Variants in SPAG16 observed in about 807,000 individuals in gnomAD.
SPAG16 encodes the protein sperm associated antigen 16.
Under a neutral mutation model 80.4 loss-of-function variants are expected in SPAG16, and 86 were observed. That is an observed-to-expected ratio of 1.07 (90% CI 0.90 to 1.28). The LOEUF is 1.28. Among genes scored for constraint, SPAG16 ranks in the 50% most tolerant of loss-of-function variants. The pLI is 0.00. For missense variants in SPAG16, 870 were observed against 765.3 expected (o/e 1.14, Z -1.61); for synonymous variants, 294 against 265.9 (o/e 1.11, Z -1.03).
In SPAG16 at chr2:214,410,215, T is replaced by G. The variant is rs199849888; in HGVS notation, c.1796T>G (p.Leu599Trp). 7 of 1,613,642 alleles carry G rather than the reference T, an allele frequency of 4.3e-6. No individual in the cohort carries two copies. In the East Asian group the frequency reaches 1.6e-4, roughly 36 times the overall value. Residue 599 changes from leucine (L) to tryptophan (W), a missense_variant, in exon 16 of 16, where the codon TTG becomes TGG. Transcript: ENST00000331683. ...LDLKSGEIHK[L>W]MGHENEAHTV... Reference sequence around the variant, plus strand: ...CTTAAATCTGGGGAGATTCACAAATTGATGGGCCACGAAAACGAGGCACAC... The same window carrying G: ...CTTAAATCTGGGGAGATTCACAAATGGATGGGCCACGAAAACGAGGCACAC...
At chr2:213,377,903 ATTTTTTT>A (rs200597218) in intron 9 of SPAG16, among the ~76,000 whole-genome samples, 818 of 20,684 alleles carry the variant, frequency 0.04, 3 homozygotes, top group South Asian at 0.12. Flanking sequence ...ATATATATAT[ATTTTTTT>A]TTTTTTTTCT....
At chr2:213,920,551 GC>G (rs1463681945) in intron 11 of SPAG16, among the ~76,000 whole-genome samples, 1 of 152,168 alleles carries the variant, frequency 6.6e-6, no homozygotes, top group Non-Finnish European at 1.5e-5. Context: ...CATGGGGGCT[GC>G]CCCATTGGAC....
At chr2:213,626,060 T>C (rs866724149) in intron 10 of SPAG16, among the ~76,000 whole-genome samples, 4 of 152,140 alleles carry the variant, frequency 2.6e-5, no homozygotes, top group Non-Finnish European at 4.4e-5. Flanking sequence ...TCCTTTTATA[T>C]GGAGTGAGAA....
chr2:214,102,422 A>T (rs2053114422), intron 13 of SPAG16, among the ~76,000 whole-genome samples: 1 of 152,114 alleles, frequency 6.6e-6, no homozygotes, highest in Non-Finnish European at 1.5e-5. Context: ...GATGTGACAC[A>T]GTGGAAGCTC....
intron 10 of SPAG16, among the ~76,000 whole-genome samples, chr2:213,829,449 C>A (rs2073497190): frequency 6.6e-6 from 1 of 152,126 alleles, no homozygotes; most frequent in South Asian, 2.1e-4. Context: ...AGAGTCAAGG[C>A]CTGAAATTAA....
At chr2:214,352,970 G>A (rs1403793102) in intron 15 of SPAG16, among the ~76,000 whole-genome samples, 25 of 152,002 alleles carry the variant, frequency 1.6e-4, no homozygotes, top group Admixed American at 1.6e-3. Context: ...GACATAAATG[G>A]GTGTGTCAGG....
At chr2:213,903,543 G>T (rs2077308330) in intron 11 of SPAG16, among the ~76,000 whole-genome samples, 1 of 152,118 alleles carries the variant, frequency 6.6e-6, no homozygotes, top group Non-Finnish European at 1.5e-5. Flanking sequence ...ACAGCATGGG[G>T]ACCCTGGCCC....
intron 10 of SPAG16, among the ~76,000 whole-genome samples, chr2:213,640,289 A>G (rs1465608061): frequency 1.3e-5 from 2 of 152,136 alleles, no homozygotes; most frequent in Non-Finnish European, 2.9e-5. Context: ...CTAGTGAACT[A>G]GTGTGATCTT....
intron 15 of SPAG16, among the ~76,000 whole-genome samples, chr2:214,342,674 T>C (rs758873507): frequency 6.6e-6 from 1 of 152,140 alleles, no homozygotes; most frequent in Admixed American, 6.5e-5. Context: ...ATAAATGTAA[T>C]GTGCTTGAAT....
At chr2:213,734,967 AT>A (rs11291472) in intron 10 of SPAG16, among the ~76,000 whole-genome samples, 140,167 of 151,554 alleles carry the variant, frequency 0.92, 65,843 homozygotes, top group East Asian at 1. Context: ...CTTTCTAGAT[AT>A]TTTTTTTTCC....
chr2:214,097,783 T>G (rs970463874), intron 13 of SPAG16, among the ~76,000 whole-genome samples: 1 of 152,066 alleles, frequency 6.6e-6, no homozygotes, highest in Non-Finnish European at 1.5e-5. Context: ...AAATGTCATC[T>G]CTGCTATCAT....
chr2:214,162,813 T>C (rs2056494945), intron 15 of SPAG16, among the ~76,000 whole-genome samples: 1 of 152,132 alleles, frequency 6.6e-6, no homozygotes, highest in African/African-American at 2.4e-5. Context: ...CTTGAGACTT[T>C]TGGAGTTATC....
chr2:213,813,431 CAAAAG>C (rs958670343), intron 10 of SPAG16, among the ~76,000 whole-genome samples: 2 of 152,198 alleles, frequency 1.3e-5, no homozygotes, highest in Admixed American at 1.3e-4. Context: ...ACCATGTGCT[CAAAAG>C]AAAAGATGGA....
intron 12 of SPAG16, among the ~76,000 whole-genome samples, chr2:213,975,363 C>G (rs1235498153): frequency 1.3e-5 from 2 of 151,130 alleles, no homozygotes; most frequent in African/African-American, 2.4e-5. Context: ...TTCACTAACA[C>G]AAAACTAGAA....
At chr2:214,195,653 T>G (rs2057814672) in intron 15 of SPAG16, among the ~76,000 whole-genome samples, 1 of 151,946 alleles carries the variant, frequency 6.6e-6, no homozygotes, top group South Asian at 2.1e-4. Context: ...ATCCAGTGAC[T>G]AAATAGTGTC....
intron 15 of SPAG16, among the ~76,000 whole-genome samples, chr2:214,213,456 C>CA (rs1400950953): frequency 6.6e-6 from 1 of 152,170 alleles, no homozygotes; most frequent in Non-Finnish European, 1.5e-5. Context: ...AGGCCAGGGT[C>CA]AGAGACCAGC....
intron 9 of SPAG16, among the ~76,000 whole-genome samples, chr2:213,443,031 A>G (rs537165814): frequency 1.2e-4 from 19 of 152,334 alleles, no homozygotes; most frequent in African/African-American, 3.8e-4. Context: ...ACAAAAATAT[A>G]CAAATGACTT....
intron 10 of SPAG16, among the ~76,000 whole-genome samples, chr2:213,643,019 T>G (rs2062659098): frequency 6.8e-6 from 1 of 147,490 alleles, no homozygotes; most frequent in Non-Finnish European, 1.5e-5. Context: ...AGTTAATACT[T>G]AATAAACTCC....
chr2:214,041,382 G>A (rs556146185), intron 13 of SPAG16, among the ~76,000 whole-genome samples: 2 of 149,720 alleles, frequency 1.3e-5, no homozygotes, highest in South Asian at 4.2e-4. Context: ...TCTTTTTGTA[G>A]TTTTTAATAA....
Sources: gnomAD v4.1 joint callset for allele counts (sites outside exome capture counted in the v4.1 genomes callset) on GRCh38, gnomAD v4.1.1 for gene constraint, MANE v1.5 for transcripts, NCBI Gene and HGNC (gene_info 2026-07-23, HGNC 2026-07-21) for gene names.